Variants in XRCC4 observed in about 807,000 individuals in gnomAD.
XRCC4 encodes X-ray repair cross complementing 4.
In XRCC4, 28 loss-of-function variants were observed where a neutral mutation model predicts 39.1. The ratio of observed to expected loss-of-function variants is 0.72; its 90% CI spans 0.53 to 0.98. The LOEUF is 0.98. XRCC4 is among the 50% of genes least tolerant of loss of function. The pLI is 0.00. For missense variants in XRCC4, 350 were observed against 376.4 expected (o/e 0.93, Z 0.58); for synonymous variants, 123 against 126.4 (o/e 0.97, Z 0.18).
intron 3 of XRCC4, among the ~76,000 whole-genome samples, chr5:83,153,214 C>CTTTT (rs36084579): frequency 6.9e-6 from 1 of 145,236 alleles, no homozygotes; most frequent in Admixed American, 6.9e-5. Flanking sequence ...TTCATTCAAA[C>CTTTT]TTTTTTTTTT....
chr5:83,097,469 G>C (rs1028114223), intron 1 of XRCC4, among the ~76,000 whole-genome samples: 2 of 151,654 alleles, frequency 1.3e-5, no homozygotes, highest in Non-Finnish European at 2.9e-5. Context: ...TTGTGAGTGG[G>C]GGGAAAAAAG....
intron 7 of XRCC4, among the ~76,000 whole-genome samples, chr5:83,334,082 C>A (rs1756520676): frequency 6.6e-6 from 1 of 151,804 alleles, no homozygotes; most frequent in Non-Finnish European, 1.5e-5. Flanking sequence ...CCTTTTTTTT[C>A]TTTCCAGGTT....
chr5:83,289,713 C>T (rs1754851808), intron 7 of XRCC4, among the ~76,000 whole-genome samples: 1 of 151,758 alleles, frequency 6.6e-6, no homozygotes, highest in South Asian at 2.1e-4. Flanking sequence ...TGGTGTTGTA[C>T]CTTTTTTTCC....
At chr5:83,172,763 T>C (rs1349350527) in intron 3 of XRCC4, among the ~76,000 whole-genome samples, 1 of 152,180 alleles carries the variant, frequency 6.6e-6, no homozygotes. Flanking sequence ...ACAGGGTGGT[T>C]CCTCTAGGTT....
chr5:83,133,033 G>A (rs1167439339), intron 3 of XRCC4, among the ~76,000 whole-genome samples: 2 of 151,940 alleles, frequency 1.3e-5, no homozygotes, highest in East Asian at 1.9e-4. Context: ...ATCTACCTTC[G>A]GTCTTTGGTA....
At chr5:83,359,330 C>T in the XRCC4 span, among the ~76,000 whole-genome samples, 2 of 152,252 alleles carry the variant, frequency 1.3e-5, no homozygotes, top group Non-Finnish European at 2.9e-5. Flanking sequence ...CTTTATACCA[C>T]ATGACCCTGC....
intron 7 of XRCC4, among the ~76,000 whole-genome samples, chr5:83,299,819 T>C (rs866011889): frequency 2.0e-4 from 30 of 152,160 alleles, no homozygotes; most frequent in African/African-American, 6.5e-4. Context: ...TTAAGTATCA[T>C]CAACATGGTT....
chr5:83,228,532 T>A (rs1478419405), intron 6 of XRCC4, among the ~76,000 whole-genome samples: 1 of 152,064 alleles, frequency 6.6e-6, no homozygotes, highest in East Asian at 1.9e-4. Context: ...AAAATTTGAG[T>A]TCACACCTAG....
chr5:83,308,323 A>G (rs1755560243), intron 7 of XRCC4, among the ~76,000 whole-genome samples: 2 of 152,220 alleles, frequency 1.3e-5, no homozygotes, highest in African/African-American at 4.8e-5. Flanking sequence ...ATGGATAGAA[A>G]CAAGCACATG....
intron 1 of XRCC4, among the ~76,000 whole-genome samples, chr5:83,080,697 A>G (rs1039988556): frequency 6.6e-6 from 1 of 152,118 alleles, no homozygotes; most frequent in Non-Finnish European, 1.5e-5. Flanking sequence ...TTGCTTGGTT[A>G]TCAGATTGAT....
In XRCC4 at chr5:83,203,575, A is replaced by C. The variant is rs753605351; in HGVS notation, c.506A>C (p.Lys169Thr). 1 of 1,595,572 alleles carries C rather than the reference A, an allele frequency of 6.3e-7. No homozygotes were observed. The highest frequency in any genetic ancestry group is 1.4e-5 in the African/African-American group (1 of 73,646). The change falls in exon 5 of 8, where the codon AAG (lysine) becomes ACG (threonine). Residue 169 changes from lysine (K) to threonine (T), a missense_variant. Physicochemically the swap from Lys to Thr is moderately conservative, Grantham distance 78. Transcript: ENST00000396027. ...QGRFEKCVSA[K>T]EALETDLYKR... ...AGATTTGAAAAATGTGTGAGTGCTA[A>C]GGAAGCTTTGGAGACTGATCTTTAT... is the stretch of plus-strand genomic sequence containing the variant.
chr5:83,341,934 G>A (rs577235101), intron 7 of XRCC4, among the ~76,000 whole-genome samples: 1 of 152,314 alleles, frequency 6.6e-6, no homozygotes, highest in East Asian at 1.9e-4. Context: ...AACTGGAGAG[G>A]CTTCTAGGCT....
chr5:83,111,148 AT>A lies in XRCC4; in HGVS notation c.265del (p.Ser89LeufsTer13), dbSNP rs772562216. 2.5e-6 allele frequency: 4 copies of A among 1,604,400 alleles called. No homozygotes were observed. The highest frequency in any genetic ancestry group is 3.4e-6 in the Non-Finnish European group (4 of 1,176,802). On this transcript the variant is annotated frameshift_variant, in exon 3 of 8. Coordinates refer to ENST00000396027, the MANE Select transcript of XRCC4 (RefSeq NM_003401.5). LOFTEE classifies it high-confidence loss of function. ...GAGPADVYTF[N>X]FSKESCYFFF... is the part of the protein sequence containing the mutation. ...GGACCAGCTGATGTATACACGTTTA[AT>A]TTTTCTAAAGAGTCTTGTTATTTCT...
At chr5:83,212,820 G>C (rs1464332660) in intron 6 of XRCC4, among the ~76,000 whole-genome samples, 3 of 151,620 alleles carry the variant, frequency 2.0e-5, no homozygotes, top group African/African-American at 7.3e-5. Flanking sequence ...CCAGTTAGTT[G>C]GAAGGCTGAG....
intron 7 of XRCC4, among the ~76,000 whole-genome samples, chr5:83,297,685 A>G (rs1010078631): frequency 2.0e-5 from 3 of 151,950 alleles, no homozygotes; most frequent in Non-Finnish European, 4.4e-5. Flanking sequence ...ACTTAGATAT[A>G]TGTGACTTAA....
chr5:83,275,443 C>T (rs920307784), intron 7 of XRCC4, among the ~76,000 whole-genome samples: 2 of 151,474 alleles, frequency 1.3e-5, no homozygotes, highest in Non-Finnish European at 2.9e-5. Flanking sequence ...TACAGGCGCC[C>T]GCCACTACGC....
At chr5:83,133,813 C>T (rs1208855664) in intron 3 of XRCC4, among the ~76,000 whole-genome samples, 3 of 151,712 alleles carry the variant, frequency 2.0e-5, no homozygotes, top group Admixed American at 2.0e-4. Flanking sequence ...CTTGCTTGCT[C>T]TTGGTGCCTC....
chr5:83,324,977 CT>C (rs1756200029), intron 7 of XRCC4, among the ~76,000 whole-genome samples: 1 of 152,132 alleles, frequency 6.6e-6, no homozygotes, highest in Non-Finnish European at 1.5e-5. Flanking sequence ...CCTTTGGCTA[CT>C]TTGGGAACCC....
intron 1 of XRCC4, among the ~76,000 whole-genome samples, chr5:83,088,254 AT>A: frequency 6.6e-6 from 1 of 152,110 alleles, no homozygotes; most frequent in East Asian, 1.9e-4. Flanking sequence ...ATATTTACTT[AT>A]TTTTTAAATA....
Sources: gnomAD v4.1 joint callset for allele counts (sites outside exome capture counted in the v4.1 genomes callset) on GRCh38, gnomAD v4.1.1 for gene constraint, MANE v1.5 for transcripts, NCBI Gene and HGNC (gene_info 2026-07-23, HGNC 2026-07-21) for gene names.